SHLD1: variants seen among roughly 807,000 people sequenced by gnomAD.
The protein encoded by SHLD1 is RINN1-REV7-interacting novel NHEJ regulator 3.
In SHLD1, 3 loss-of-function variants were observed where a neutral mutation model predicts 5.5. The observed-to-expected ratio is 0.54, with a 90% CI of 0.25 to 1.40. SHLD1 has a LOEUF of 1.40. Among genes scored for constraint, SHLD1 ranks in the 40% most tolerant of loss-of-function variants. SHLD1 has a pLI of 0.15. For synonymous variants in SHLD1, 92 were observed against 94.3 expected (o/e 0.98, Z 0.14); for missense variants, 210 against 244.4 (o/e 0.86, Z 0.94).
At chr20:5,756,366 G>A (rs944538484) in intron 1 of SHLD1, among the ~76,000 whole-genome samples, 2 of 152,008 alleles carry the variant, frequency 1.3e-5, no homozygotes, top group Admixed American at 6.6e-5. Flanking sequence ...GGGGGACATT[G>A]CCATCTTAAA....
intron 1 of SHLD1, among the ~76,000 whole-genome samples, chr20:5,758,787 C>T (rs1690593580): frequency 1.3e-5 from 2 of 151,890 alleles, no homozygotes; most frequent in Non-Finnish European, 2.9e-5. Context: ...TGGGAGGACG[C>T]TTTGGGAAGG....
rs113379478 is a variant in SHLD1, at chr20:5,853,320, C to T, written c.179-9704C>T. On this transcript the variant is annotated intron_variant, in intron 2 of 2. Coordinates refer to ENST00000303142, the MANE Select transcript of SHLD1 (RefSeq NM_152504.4). ...AATTAGCTGGGTGTGATGGTGCACG[C>T]CTGCAGTCCCAGCTACTCGGGAGGC... Among the ~76,000 whole-genome samples the T allele has an allele frequency of 6.5e-3, 982 of 152,212 alleles. 15 individuals are homozygous for T. The highest frequency in any genetic ancestry group is 0.022 in the African/African-American group (914 of 41,502).
At chr20:5,755,599 G>C (rs541185727) in intron 1 of SHLD1, among the ~76,000 whole-genome samples, 1 of 150,502 alleles carries the variant, frequency 6.6e-6, no homozygotes, top group Non-Finnish European at 1.5e-5. Flanking sequence ...CACTCTTGTT[G>C]CCCAGGCTGG....
At chr20:5,851,204 A>G (rs1270613843) in intron 2 of SHLD1, among the ~76,000 whole-genome samples, 1 of 152,214 alleles carries the variant, frequency 6.6e-6, no homozygotes, top group Non-Finnish European at 1.5e-5. Context: ...AAGAATGTCT[A>G]TCCAGGAATG....
At chr20:5,766,424 G>C (rs1331398234) in intron 1 of SHLD1, among the ~76,000 whole-genome samples, 1 of 152,194 alleles carries the variant, frequency 6.6e-6, no homozygotes, top group East Asian at 1.9e-4. Context: ...AGGTCTCACT[G>C]TTGATTTGTT....
rs1260162442 is a variant in SHLD1 at position 5,859,556 on chromosome 20, C to T, written c.179-3468C>T. On this transcript the variant is annotated intron_variant, in intron 2 of 2. Coordinates refer to ENST00000303142, the MANE Select transcript of SHLD1 (RefSeq NM_152504.4). The stretch of plus-strand genomic sequence containing the variant: ...CTGAGCACGAACTGACTAGTACCAT[C>T]ATTCTTTCCACACATGGACACATCA... Among the ~76,000 whole-genome samples the T allele has an allele frequency of 2.6e-5, 4 of 152,178 alleles. No homozygotes were observed. In the South Asian group the frequency reaches 6.2e-4, roughly 24 times the overall value.
intron 2 of SHLD1, among the ~76,000 whole-genome samples, chr20:5,843,914 A>G (rs2087896300): frequency 6.6e-6 from 1 of 152,232 alleles, no homozygotes; most frequent in Non-Finnish European, 1.5e-5. Context: ...ACACAAATGC[A>G]TCCCAAACCC....
At chr20:5,853,682 C>T (rs542851285) in intron 2 of SHLD1, among the ~76,000 whole-genome samples, 1 of 152,222 alleles carries the variant, frequency 6.6e-6, no homozygotes, top group East Asian at 1.9e-4. Context: ...GGGCTGCTGT[C>T]ATCTACTAAC....
At chr20:5,800,349 G>A (rs547050953) in intron 2 of SHLD1, among the ~76,000 whole-genome samples, 47 of 152,242 alleles carry the variant, frequency 3.1e-4, no homozygotes, top group South Asian at 1.2e-3. Flanking sequence ...AATTCAAATT[G>A]TGAGATTTCT....
At chr20:5,819,159 G>T (rs972877111) in intron 2 of SHLD1, among the ~76,000 whole-genome samples, 7 of 152,028 alleles carry the variant, frequency 4.6e-5, no homozygotes, top group Non-Finnish European at 1.0e-4. Flanking sequence ...ACCGTGCCCC[G>T]CCAGTGTCTA....
chr20:5,782,812 A>C (rs1431487780), intron 2 of SHLD1, among the ~76,000 whole-genome samples: 3 of 152,206 alleles, frequency 2.0e-5, no homozygotes, highest in Non-Finnish European at 2.9e-5. Flanking sequence ...GAATTCTATA[A>C]AATTTTATTT....
At chr20:5,792,626 G>A (rs2087156562) in intron 2 of SHLD1, among the ~76,000 whole-genome samples, 2 of 150,590 alleles carry the variant, frequency 1.3e-5, no homozygotes, top group South Asian at 4.2e-4. Context: ...CACCATGTTG[G>A]CCAGGCTGGT....
At chr20:5,802,605 CTT>C (rs889604485) in intron 2 of SHLD1, among the ~76,000 whole-genome samples, 2 of 152,174 alleles carry the variant, frequency 1.3e-5, no homozygotes, top group Admixed American at 6.6e-5. Flanking sequence ...ATATCCATGT[CTT>C]TTCTTTTCTT....
At chr20:5,822,729 C>G (rs552880491) in intron 2 of SHLD1, among the ~76,000 whole-genome samples, 4 of 152,074 alleles carry the variant, frequency 2.6e-5, no homozygotes, top group Non-Finnish European at 4.4e-5. Context: ...TCACACCCAC[C>G]GTTAACCCCT....
intron 2 of SHLD1, among the ~76,000 whole-genome samples, chr20:5,795,317 C>T (rs1411881376): frequency 6.6e-6 from 1 of 151,888 alleles, no homozygotes; most frequent in African/African-American, 2.4e-5. Flanking sequence ...GCTGTATAGG[C>T]TGGGCATGGT....
chr20:5,797,061 G>A (rs1004477115), intron 2 of SHLD1, among the ~76,000 whole-genome samples: 7 of 152,102 alleles, frequency 4.6e-5, no homozygotes, highest in African/African-American at 1.7e-4. Flanking sequence ...CAGAGCTCTG[G>A]ATTCTATCTT....
intron 2 of SHLD1, among the ~76,000 whole-genome samples, chr20:5,842,910 C>G (rs546851877): frequency 1.5e-4 from 23 of 152,230 alleles, no homozygotes; most frequent in Admixed American, 3.9e-4. Context: ...CTAACTCAAA[C>G]TTTCAACTTC....
At chr20:5,764,174 A>ATTTT (rs34182994) in intron 1 of SHLD1, among the ~76,000 whole-genome samples, 2 of 99,488 alleles carry the variant, frequency 2.0e-5, no homozygotes, top group East Asian at 5.4e-4. Flanking sequence ...ATATATATAT[A>ATTTT]TTTTTATATA....
intron 2 of SHLD1, among the ~76,000 whole-genome samples, chr20:5,776,868 A>G (rs768623714): frequency 2.6e-5 from 4 of 152,072 alleles, no homozygotes; most frequent in Admixed American, 1.3e-4. Flanking sequence ...TGCTCTCTGC[A>G]TACTCCACAC....
Sources: gnomAD v4.1 joint callset for allele counts (sites outside exome capture counted in the v4.1 genomes callset) on GRCh38, gnomAD v4.1.1 for gene constraint, MANE v1.5 for transcripts, NCBI Gene and HGNC (gene_info 2026-07-23, HGNC 2026-07-21) for gene names.